APC: variants seen among roughly 807,000 people sequenced by gnomAD.
The protein encoded by APC is adenomatous polyposis coli protein.
A neutral mutation model predicts 247.0 loss-of-function variants in APC; 72 were observed. The ratio of observed to expected loss-of-function variants is 0.29; its 90% confidence interval spans 0.24 to 0.35. The LOEUF is 0.35. Among genes scored for constraint, APC ranks in the 10% least tolerant of loss-of-function variants. APC has a pLI of 1.00. For synonymous variants in APC, 1,254 were observed against 1,162.5 expected (o/e 1.08, Z -1.60); for missense variants, 3,400 against 3,360.7 (o/e 1.01, Z -0.29).
At chr5:112,795,872 G>A (rs1760162879) in intron 7 of APC, among the ~76,000 whole-genome samples, 1 of 152,168 alleles carries the variant, frequency 6.6e-6, no homozygotes, top group African/African-American at 2.4e-5. Context: ...AGAAAGAGAT[G>A]AGTGAAACTA....
chr5:112,710,073 A>G (rs1750761797), intron 1 of APC, among the ~76,000 whole-genome samples: 1 of 152,134 alleles, frequency 6.6e-6, no homozygotes, highest in Admixed American at 6.5e-5. Flanking sequence ...CATGATCATC[A>G]GCTTTTACTA....
In APC at chr5:112,767,226, A is replaced by G; in HGVS notation, c.258A>G (p.Lys86=). ...ATAGCAGTAATTTCCCTGGAGTAAA[A>G]CTGCGGTCAAAAATGTCCCTCCGTT... The part of the protein sequence containing the change: ...NLDSSNFPGV[K]LRSKMSLRSY... The change falls in exon 4 of 16, where the codon AAA becomes AAG. Residue 86 remains lysine, a synonymous_variant. Transcript: ENST00000257430. 1.2e-6 allele frequency: 2 copies of G among 1,614,172 alleles called. No individual in the cohort carries two copies. Among genetic ancestry groups the G allele is most frequent in the Non-Finnish European group, 1.7e-6 (2 of 1,180,018 alleles).
chr5:112,842,414 G>T lies in APC; in HGVS notation c.6820G>T (p.Ala2274Ser). 1 of 1,614,064 alleles carries T rather than the reference G, an allele frequency of 6.2e-7. No individual in the cohort carries two copies. The highest frequency in any genetic ancestry group is 1.3e-5 in the African/African-American group (1 of 75,038). ...AACAGCCACCACTTCTCCTAGAGGA[G>T]CCAAGCCATCTGTGAAATCAGAATT... ...GQTATTSPRGAKPSVKSELSP... is the reference protein window; with the variant it reads ...GQTATTSPRGSKPSVKSELSP... The change falls in exon 16 of 16, where the codon GCC (alanine) becomes TCC (serine). Residue 2274 changes from alanine to serine, a missense_variant. By Grantham distance (99) the Ala-to-Ser change is moderately conservative (BLOSUM62 1). Coordinates refer to ENST00000257430, the MANE Select transcript of APC (RefSeq NM_000038.6).
Position 112,841,571 on chromosome 5 carries a change from C to A in APC, c.5977C>A (p.Pro1993Thr), listed in dbSNP as rs1554087132. 1 of 1,613,940 alleles carries A rather than the reference C, an allele frequency of 6.2e-7. No homozygotes were observed. The highest frequency in any genetic ancestry group is 8.5e-7 in the Non-Finnish European group (1 of 1,179,904). ...ENEPIKETEP[P>T]DSQGEPSKPQ... is the part of the protein sequence containing the mutation. Reference sequence around the variant, plus strand: ...TGAACCTATCAAAGAGACTGAGCCCCCTGACTCACAGGGAGAACCAAGTAA... The same window carrying A: ...TGAACCTATCAAAGAGACTGAGCCCACTGACTCACAGGGAGAACCAAGTAA... The change falls in exon 16 of 16, where the codon CCT becomes ACT. Residue 1993 changes from proline (P) to threonine (T), a missense_variant. This residue lies in a region of APC where 1,788 missense variants were observed against 1,649.5 expected (regional missense o/e 1.08). Transcript: ENST00000257430. This position sits in a 1 kb window ranked among gnomAD's most constrained non-coding sequence, Gnocchi z 4.6.
Position 112,842,193 on chromosome 5 carries a change from C to T in APC, c.6599C>T (p.Thr2200Ile), listed in dbSNP as rs1465417126. ...GGKKVYKSLI[T>I]GKVRSNSEIS... ...AAAAAAGTTTATAAAAGTTTGATTA[C>T]TGGAAAAGTTCGATCTAATTCAGAA... is the stretch of plus-strand genomic sequence containing the variant. Residue 2200 changes from threonine to isoleucine, a missense_variant, in exon 16 of 16, where the codon ACT becomes ATT. Transcript: ENST00000257430. The T allele has an allele frequency of 6.2e-7, 1 of 1,613,130 alleles. No individual in the cohort carries two copies. The highest frequency in any genetic ancestry group is 1.1e-5 in the South Asian group (1 of 90,996).
At chr5:112,798,738 A>T (rs1004720283) in intron 7 of APC, among the ~76,000 whole-genome samples, 5 of 152,072 alleles carry the variant, frequency 3.3e-5, no homozygotes, top group African/African-American at 9.7e-5. Flanking sequence ...GTGAAAGAAT[A>T]AAAAAAAGTA....
intron 1 of APC, among the ~76,000 whole-genome samples, chr5:112,745,577 T>G (rs1753562737): frequency 6.7e-6 from 1 of 148,818 alleles, no homozygotes; most frequent in African/African-American, 2.4e-5. Context: ...TTATTATTAT[T>G]TTTTGAGACG....
intron 5 of APC, among the ~76,000 whole-genome samples, chr5:112,776,105 A>G (rs1356193172): frequency 6.6e-6 from 1 of 152,228 alleles, no homozygotes; most frequent in Non-Finnish European, 1.5e-5. Context: ...TGTTGCAGGA[A>G]TCATGCCAAA....
At chr5:112,745,397 A>G (rs1458235727) in intron 1 of APC, among the ~76,000 whole-genome samples, 1 of 152,112 alleles carries the variant, frequency 6.6e-6, no homozygotes, top group Admixed American at 6.6e-5. Context: ...ATCTGGAAAT[A>G]AAGAGGGGAA....
chr5:112,836,750 A>G (rs1428222846), intron 15 of APC, among the ~76,000 whole-genome samples: 3 of 151,906 alleles, frequency 2.0e-5, no homozygotes, highest in African/African-American at 7.3e-5. Context: ...TCTGTTGTCC[A>G]GGTTGGAGTG....
chr5:112,789,623 G>C (rs932303142), intron 6 of APC, among the ~76,000 whole-genome samples: 1 of 152,048 alleles, frequency 6.6e-6, no homozygotes, highest in Admixed American at 6.6e-5. Context: ...ATGGAAGGGA[G>C]CTAATTATAT....
chr5:112,770,752 A>G (rs896033702), intron 4 of APC, among the ~76,000 whole-genome samples: 23 of 152,044 alleles, frequency 1.5e-4, no homozygotes, highest in African/African-American at 5.1e-4. Flanking sequence ...TGACTTACTG[A>G]CTCACCACTC....
chr5:112,773,543 T>G (rs932727836), intron 4 of APC, among the ~76,000 whole-genome samples: 31 of 152,228 alleles, frequency 2.0e-4, no homozygotes, highest in African/African-American at 7.5e-4. Context: ...GAAGCCTTAC[T>G]GATAACATAA....
chr5:112,751,905 T>G (rs1754421309), intron 1 of APC, among the ~76,000 whole-genome samples: 1 of 152,012 alleles, frequency 6.6e-6, no homozygotes, highest in South Asian at 2.1e-4. Flanking sequence ...GAAATGTTCT[T>G]TTTTATTCAG....
chr5:112,801,978 C>T (rs925547439), intron 8 of APC, among the ~76,000 whole-genome samples: 8 of 151,726 alleles, frequency 5.3e-5, no homozygotes, highest in East Asian at 1.9e-4. Flanking sequence ...TGCTACCATC[C>T]GTTATCTTAT....
chr5:112,825,170 C>G (rs1763515330), intron 11 of APC, among the ~76,000 whole-genome samples: 1 of 152,198 alleles, frequency 6.6e-6, no homozygotes. Flanking sequence ...TCCTTATCCC[C>G]TGCAAATAGC....
rs2149738329 is a variant in APC, at chr5:112,754,983, C to T, written c.93C>T (p.Ser31=). 6.2e-7 allele frequency: 1 copy of T among 1,613,672 alleles called. No individual in the cohort carries two copies. Residue 31 remains serine, a synonymous_variant, in exon 2 of 16, where the codon TCC becomes TCT. Transcript: ENST00000257430. ...TTCGACAAGAGCTAGAAGATAATTC[C>T]AATCATCTTACAAAACTGGAAACTG... ...SNLRQELEDN[S]NHLTKLETEA...
chr5:112,742,728 ACC>A lies in APC; in HGVS notation c.-19+4804_-19+4805del, dbSNP rs1390082125. ...TATGACCTAGACTCAGAAGCCACAC[ACC>A]ATTGCTTCTGCTGTATTCTCTTTAT... On this transcript the variant is annotated intron_variant, in intron 1 of 15. Coordinates refer to ENST00000257430, the MANE Select transcript of APC (RefSeq NM_000038.6). Among the ~76,000 whole-genome samples, 3 of 152,310 alleles carry A rather than the reference ACC, an allele frequency of 2.0e-5. No individual in the cohort carries two copies. In the East Asian group the frequency reaches 5.8e-4, roughly 29 times the overall value.
At chr5:112,708,566 AAAAG>A (rs1270556043) in intron 1 of APC, among the ~76,000 whole-genome samples, 1 of 152,208 alleles carries the variant, frequency 6.6e-6, no homozygotes, top group Non-Finnish European at 1.5e-5. Flanking sequence ...TTCGTTTTAA[AAAAG>A]AAGACCTTAT....
Sources: gnomAD v4.1 joint callset for allele counts (sites outside exome capture counted in the v4.1 genomes callset) on GRCh38, gnomAD v4.1.1 for gene constraint, gnomAD v4.1.1 regional missense constraint, Gnocchi (gnomAD v3.1) non-coding constraint, MANE v1.5 for transcripts, NCBI Gene and HGNC (gene_info 2026-07-23, HGNC 2026-07-21) for gene names.